ADCY8: variants seen among roughly 807,000 people sequenced by gnomAD.
The protein encoded by ADCY8 is adenylate cyclase type 8.
ADCY8 carries 51 observed loss-of-function variants against 119.7 expected under a neutral mutation model. The ratio of observed to expected loss-of-function variants is 0.43; its 90% CI spans 0.34 to 0.54. The LOEUF is 0.54. ADCY8 is among the 20% of genes least tolerant of loss of function. The pLI is 0.03. For synonymous variants in ADCY8, 665 were observed against 651.0 expected (o/e 1.02, Z -0.33); for missense variants, 1,383 against 1,598.8 (o/e 0.87, Z 2.30).
intron 8 of ADCY8, among the ~76,000 whole-genome samples, chr8:130,882,730 A>T (rs1818824232): frequency 6.6e-6 from 1 of 152,230 alleles, no homozygotes; most frequent in Non-Finnish European, 1.5e-5. Context: ...ATTTATGCAG[A>T]CAGCTTAGAA....
chr8:130,864,427 A>G (rs959993053), intron 9 of ADCY8, among the ~76,000 whole-genome samples: 7 of 152,084 alleles, frequency 4.6e-5, no homozygotes, highest in African/African-American at 1.7e-4. Flanking sequence ...ATTACTTTAA[A>G]TATTTATTTT....
At chr8:130,785,298 G>T in intron 16 of ADCY8, 85 bp downstream of exon 16, 4 of 860,404 alleles carry the variant, frequency 4.6e-6, no homozygotes, top group Non-Finnish European at 7.1e-6. Context: ...CAAGGATCTT[G>T]GTGACAGAGG....
chr8:131,032,841 T>C (rs1436502943), intron 1 of ADCY8, among the ~76,000 whole-genome samples: 7 of 152,186 alleles, frequency 4.6e-5, no homozygotes, highest in Non-Finnish European at 1.0e-4. Flanking sequence ...CCTGCTCTGT[T>C]GTGGCTGGCT....
At chr8:130,972,247 A>T (rs1196473850) in intron 2 of ADCY8, among the ~76,000 whole-genome samples, 1 of 152,250 alleles carries the variant, frequency 6.6e-6, no homozygotes, top group Non-Finnish European at 1.5e-5. Flanking sequence ...TACATGAATC[A>T]TTTAGTTCTC....
chr8:130,914,829 T>A (rs1586566568), intron 5 of ADCY8, among the ~76,000 whole-genome samples: 1 of 152,244 alleles, frequency 6.6e-6, no homozygotes, highest in East Asian at 1.9e-4. Flanking sequence ...ACACTCGGAT[T>A]CTGGAGGGCA....
At chr8:130,859,313 T>A (rs72712488) in intron 9 of ADCY8, among the ~76,000 whole-genome samples, 14,077 of 152,302 alleles carry the variant, frequency 0.092, 692 homozygotes, top group African/African-American at 0.11. Flanking sequence ...ACTTTCTCCC[T>A]TCATTTGCAT....
intron 1 of ADCY8, among the ~76,000 whole-genome samples, chr8:131,002,261 T>A (rs34900105): frequency 6.6e-6 from 1 of 152,364 alleles, no homozygotes; most frequent in African/African-American, 2.4e-5. Flanking sequence ...GCAGTTATTG[T>A]CATTATTATT....
At chr8:130,978,527 C>T (rs907128951) in intron 2 of ADCY8, among the ~76,000 whole-genome samples, 1 of 152,090 alleles carries the variant, frequency 6.6e-6, no homozygotes, top group African/African-American at 2.4e-5. Flanking sequence ...TATTACTTTA[C>T]TCATTTGATA....
intron 2 of ADCY8, among the ~76,000 whole-genome samples, chr8:130,982,559 G>A (rs943067970): frequency 6.6e-6 from 1 of 152,132 alleles, no homozygotes; most frequent in African/African-American, 2.4e-5. Context: ...TGAGAGATGA[G>A]GAAACTCACA....
chr8:130,933,314 A>C (rs1820690614), intron 5 of ADCY8, among the ~76,000 whole-genome samples: 1 of 152,252 alleles, frequency 6.6e-6, no homozygotes, highest in South Asian at 2.1e-4. Context: ...TTGCAGCTGA[A>C]TAAAAAATTC....
chr8:130,911,846 A>T (rs1819991694), intron 5 of ADCY8, among the ~76,000 whole-genome samples: 1 of 151,888 alleles, frequency 6.6e-6, no homozygotes, highest in Non-Finnish European at 1.5e-5. Flanking sequence ...AAAATAGGGG[A>T]TCAAAATATT....
chr8:131,030,652 C>T (rs1216576766), intron 1 of ADCY8, among the ~76,000 whole-genome samples: 2 of 152,214 alleles, frequency 1.3e-5, no homozygotes, highest in African/African-American at 4.8e-5. Context: ...AGCTCCATTA[C>T]ATCAATAACC....
chr8:130,935,435 G>C (rs931811473), intron 5 of ADCY8: 1 of 152,214 alleles, frequency 6.6e-6, no homozygotes, highest in Non-Finnish European at 1.5e-5. Context: ...ATAAAAATAT[G>C]ATGCTACCCA....
At chr8:130,909,651 T>G (rs912268192) in intron 6 of ADCY8, 57 bp downstream of exon 6, 10 of 1,601,246 alleles carry the variant, frequency 6.2e-6, no homozygotes, top group Admixed American at 1.7e-5. Flanking sequence ...AAACCCACTG[T>G]CACAAAATAA....
At chr8:130,874,134 C>G (rs1563705923) in intron 8 of ADCY8, among the ~76,000 whole-genome samples, 1 of 151,842 alleles carries the variant, frequency 6.6e-6, no homozygotes, top group Non-Finnish European at 1.5e-5. Context: ...ATGGTGAAAT[C>G]CTGTCTCTGC....
chr8:131,017,255 A>G (rs1823506518), intron 1 of ADCY8, among the ~76,000 whole-genome samples: 1 of 151,926 alleles, frequency 6.6e-6, no homozygotes, highest in African/African-American at 2.4e-5. Flanking sequence ...TTTTTAGTAG[A>G]GACGGGCTTT....
intron 1 of ADCY8, among the ~76,000 whole-genome samples, chr8:130,992,394 T>TTGAGCAACTGTGCCTGGC (rs1238639646): frequency 7.6e-5 from 9 of 117,820 alleles, no homozygotes; most frequent in African/African-American, 3.2e-4. Flanking sequence ...TATATATATA[T>TTGAGCAACTGTGCCTGGC]ATATATATAT....
chr8:131,015,941 A>G (rs1001169973), intron 1 of ADCY8, among the ~76,000 whole-genome samples: 2 of 152,172 alleles, frequency 1.3e-5, no homozygotes, highest in African/African-American at 4.8e-5. Context: ...GACAGCAAAC[A>G]TCAATACACA....
chr8:131,021,292 C>T (rs963303407), intron 1 of ADCY8, among the ~76,000 whole-genome samples: 5 of 152,088 alleles, frequency 3.3e-5, no homozygotes, highest in African/African-American at 1.2e-4. Context: ...CTTTGTGGCC[C>T]ACCAACCTTC....
Sources: allele counts gnomAD v4.1 joint callset (sites outside exome capture counted in the v4.1 genomes callset), GRCh38; gene constraint gnomAD v4.1.1; transcripts MANE v1.5; gene names NCBI Gene and HGNC (gene_info 2026-07-23, HGNC 2026-07-21).